The following TET1 variants were observed in gnomAD, a reference collection of about 807,000 sequenced individuals.
TET1 encodes the protein methylcytosine dioxygenase TET1.
In TET1, 13 loss-of-function variants were observed where a neutral mutation model predicts 148.7. That is an observed-to-expected ratio of 0.09 (90% confidence interval 0.06 to 0.14). The LOEUF is 0.14. Ranked by LOEUF, TET1 falls within the 10% of genes least tolerant of loss-of-function variation. TET1 has a pLI of 1.00. For missense variants in TET1, 2,182 were observed against 2,553.8 expected, an observed-to-expected ratio of 0.85 and a Z score of 3.14; for synonymous variants, 907 against 937.2, an observed-to-expected ratio of 0.97 and a Z score of 0.59.
rs759963443 is a variant in TET1 at position 68,667,119 on chromosome 10, T to C, written c.4536T>C (p.Thr1512=). ...AGCGTACAGGCCACCACTGTCCAAC[T>C]GCTGTGATGGTGGTGCTCATCATGG... ...VRQRTGHHCP[T]AVMVVLIMVW... The change falls in exon 7 of 12, where the codon ACT becomes ACC. Residue 1512 remains threonine, a synonymous_variant. Coordinates refer to ENST00000373644, the MANE Select transcript of TET1 (RefSeq NM_030625.3). 1 of 1,614,204 alleles carries C rather than the reference T, an allele frequency of 6.2e-7. No individual in the cohort carries two copies. Among genetic ancestry groups the C allele is most frequent in the Non-Finnish European group, 8.5e-7 (1 of 1,180,036 alleles).
chr10:68,632,147 C>A (rs1306675382), intron 3 of TET1, among the ~76,000 whole-genome samples: 1 of 151,934 alleles, frequency 6.6e-6, no homozygotes, highest in African/African-American at 2.4e-5. Context: ...TGGTGAAACC[C>A]TGTCTCTACT....
At chr10:68,597,413 A>G (rs1288053434) in intron 2 of TET1, among the ~76,000 whole-genome samples, 1 of 152,198 alleles carries the variant, frequency 6.6e-6, no homozygotes, top group African/African-American at 2.4e-5. Context: ...CTGGAAAAAA[A>G]TGTTCATTTT....
chr10:68,669,544 C>T (rs931947705), intron 7 of TET1, among the ~76,000 whole-genome samples: 9 of 133,940 alleles, frequency 6.7e-5, no homozygotes, highest in South Asian at 2.5e-4. Flanking sequence ...TTAGTAGAGA[C>T]GGGGTTTCAC....
chr10:68,637,621 G>T (rs1372424930), intron 3 of TET1, among the ~76,000 whole-genome samples: 1 of 149,022 alleles, frequency 6.7e-6, no homozygotes, highest in Non-Finnish European at 1.5e-5. Flanking sequence ...TGCCTTCCAG[G>T]TTCAAGAGAT....
In TET1 at chr10:68,661,461, T is replaced by C. The variant is rs970878934; in HGVS notation, c.4462-5584T>C. 3.3e-5 allele frequency among the ~76,000 whole-genome samples: 5 copies of C among 151,866 alleles called. No individual in the cohort carries two copies. In the South Asian group the frequency reaches 1.0e-3, roughly 32 times the overall value. ...CTTAGAGATTATAATTTTTAGCAGT[T>C]TGGGTATACTCAAACTAAGAGTTAG... On this transcript the variant is annotated intron_variant, in intron 6 of 11. Coordinates refer to ENST00000373644, the MANE Select transcript of TET1 (RefSeq NM_030625.3).
intron 3 of TET1, among the ~76,000 whole-genome samples, chr10:68,637,335 A>C (rs1483372804): frequency 6.6e-6 from 1 of 152,086 alleles, no homozygotes; most frequent in Non-Finnish European, 1.5e-5. Context: ...TTGATGGCTG[A>C]AATTCTGAAC....
At chr10:68,651,314 C>T (rs894613693) in intron 4 of TET1, among the ~76,000 whole-genome samples, 1 of 151,922 alleles carries the variant, frequency 6.6e-6, no homozygotes, top group Non-Finnish European at 1.5e-5. Context: ...ATTAGCCGGG[C>T]GTGGTGGCGG....
At chr10:68,572,081 G>A in intron 1 of TET1, 136 bp from the exon 2 acceptor site, 1 of 390,074 alleles carries the variant, frequency 2.6e-6, no homozygotes, top group Non-Finnish European at 4.6e-6. Flanking sequence ...TCATGCCTCT[G>A]CACTCCAGCC....
chr10:68,665,471 G>A (rs866496026), intron 6 of TET1, among the ~76,000 whole-genome samples: 54 of 151,978 alleles, frequency 3.6e-4, no homozygotes, highest in African/African-American at 1.1e-3. Context: ...GAAGCCTTAC[G>A]GATTTAATAT....
At chr10:68,647,076 T>C in intron 4 of TET1, 71 bp downstream of exon 4, 1 of 1,456,716 alleles carries the variant, frequency 6.9e-7, no homozygotes, top group African/African-American at 1.4e-5. Context: ...AAGCAAATTC[T>C]GATTCATCTT....
intron 7 of TET1, among the ~76,000 whole-genome samples, chr10:68,667,625 TC>T (rs1430362935): frequency 6.6e-6 from 1 of 151,670 alleles, no homozygotes; most frequent in Non-Finnish European, 1.5e-5. Context: ...GCGCCTACAG[TC>T]CCAGCTACTC....
At chr10:68,650,990 A>G (rs1589112400) in intron 4 of TET1, among the ~76,000 whole-genome samples, 1 of 152,282 alleles carries the variant, frequency 6.6e-6, no homozygotes, top group East Asian at 1.9e-4. Flanking sequence ...ATATAATGAT[A>G]TTGTGGATGT....
Position 68,572,917 on chromosome 10 carries a change from C to A in TET1, c.579C>A (p.Ser193=), listed in dbSNP as rs1370815761. Residue 193 remains serine, a synonymous_variant, in exon 2 of 12, where the codon TCC becomes TCA. Transcript: ENST00000373644. ...GKSQETTQFW[S]QRVEDSKINI... ...GCCAAGAGACAACTCAGTTTTGGTC[C>A]CAAAGAGTTGAGGATTCCAAGATCA... The A allele has an allele frequency of 1.9e-6, 3 of 1,614,022 alleles. No individual in the cohort carries two copies. The highest frequency in any genetic ancestry group is 2.5e-6 in the Non-Finnish European group (3 of 1,180,018).
intron 6 of TET1, among the ~76,000 whole-genome samples, chr10:68,657,150 C>T (rs867151381): frequency 9.2e-5 from 14 of 152,178 alleles, no homozygotes; most frequent in Admixed American, 2.0e-4. Flanking sequence ...CCAGCTTGGA[C>T]AACATAGTGA....
chr10:68,562,457 G>T (rs2053564868), intron 1 of TET1, among the ~76,000 whole-genome samples: 1 of 152,118 alleles, frequency 6.6e-6, no homozygotes, highest in Non-Finnish European at 1.5e-5. Context: ...GTGGCTTTTG[G>T]TGTGTTTCCG....
chr10:68,624,628 CTT>C (rs1448417065), intron 3 of TET1, among the ~76,000 whole-genome samples: 2 of 38,880 alleles, frequency 5.1e-5, no homozygotes, highest in Admixed American at 3.1e-4. Context: ...TTCTTTCTTT[CTT>C]TCTTTCTTTC....
intron 7 of TET1, among the ~76,000 whole-genome samples, chr10:68,668,383 C>T (rs746464886): frequency 2.0e-5 from 3 of 152,054 alleles, no homozygotes; most frequent in Admixed American, 6.6e-5. Context: ...TTCTCATCAA[C>T]GCTGTAGCAA....
intron 3 of TET1, among the ~76,000 whole-genome samples, chr10:68,624,660 C>CTTTCTTTCTTTCTTTCTT (rs1462948714): frequency 1.2e-3 from 90 of 74,452 alleles, no homozygotes; most frequent in South Asian, 2.8e-3. Flanking sequence ...TTCTTTCTTT[C>CTTTCTTTCTTTCTTTCTT]TCTCTCTCTC....
chr10:68,675,949 G>A lies in TET1; in HGVS notation c.4824+2904G>A, dbSNP rs186860638. ...CGGCTCACTGCAACCTCCACCTCCC[G>A]GGTTCAAGTGATTCACCTATCCCAG... On this transcript the variant is annotated intron_variant, in intron 8 of 11. Coordinates refer to ENST00000373644, the MANE Select transcript of TET1 (RefSeq NM_030625.3). Among the ~76,000 whole-genome samples the A allele has an allele frequency of 1.3e-3, 204 of 151,916 alleles. 1 individual carries two copies. Among genetic ancestry groups the A allele is most frequent in the African/African-American group, 4.6e-3 (190 of 41,404 alleles).
Sources: allele counts gnomAD v4.1 joint callset (sites outside exome capture counted in the v4.1 genomes callset), GRCh38; gene constraint gnomAD v4.1.1; transcripts MANE v1.5; gene names NCBI Gene and HGNC (gene_info 2026-07-23, HGNC 2026-07-21).